The following AMPH variants were observed in gnomAD, a reference collection of about 807,000 sequenced individuals.
AMPH encodes the protein amphiphysin.
Under a neutral mutation model 99.1 loss-of-function variants are expected in AMPH, and 49 were observed. The ratio of observed to expected loss-of-function variants is 0.49; its 90% CI spans 0.39 to 0.63. The LOEUF (loss-of-function observed/expected upper bound fraction) is 0.63, where lower values mean the gene tolerates loss of function less well. AMPH is among the 20% of genes least tolerant of loss of function. AMPH has a pLI of 0.00. For synonymous variants in AMPH, 314 were observed against 317.3 expected, an observed-to-expected ratio of 0.99 and a Z score of 0.11; for missense variants, 759 against 863.4, an observed-to-expected ratio of 0.88 and a Z score of 1.52.
At chr7:38,400,316 A>C (rs1182153851) in intron 17 of AMPH, among the ~76,000 whole-genome samples, 1 of 152,124 alleles carries the variant, frequency 6.6e-6, no homozygotes, top group Non-Finnish European at 1.5e-5. Context: ...GACCTCAGGC[A>C]ATCCACCTGC....
chr7:38,598,362 G>A (rs1218706667), intron 1 of AMPH, among the ~76,000 whole-genome samples: 1 of 152,074 alleles, frequency 6.6e-6, no homozygotes, highest in Non-Finnish European at 1.5e-5. Flanking sequence ...CAGCGCAGTG[G>A]CATGATCTCA....
intron 17 of AMPH, among the ~76,000 whole-genome samples, chr7:38,406,701 TC>T (rs1453308127): frequency 2.7e-5 from 4 of 146,700 alleles, no homozygotes; most frequent in African/African-American, 1.0e-4. Context: ...TGCTCTGAGT[TC>T]TCTCTCCTCT....
chr7:38,570,947 A>ATT (rs1791928967), intron 1 of AMPH, among the ~76,000 whole-genome samples: 1 of 100,374 alleles, frequency 1.0e-5, no homozygotes, highest in African/African-American at 4.0e-5. Flanking sequence ...ATATATATTT[A>ATT]TATATATAGA....
intron 1 of AMPH, among the ~76,000 whole-genome samples, chr7:38,542,386 G>A (rs998127456): frequency 6.6e-6 from 1 of 152,108 alleles, no homozygotes; most frequent in African/African-American, 2.4e-5. Context: ...ATAATGCAAT[G>A]AATCTCCAAC....
At chr7:38,521,320 G>C (rs1187343834) in intron 2 of AMPH, among the ~76,000 whole-genome samples, 1 of 152,136 alleles carries the variant, frequency 6.6e-6, no homozygotes, top group Non-Finnish European at 1.5e-5. Context: ...TCAGAGGTTC[G>C]AGACCAGCCT....
intron 2 of AMPH, among the ~76,000 whole-genome samples, chr7:38,521,072 A>T (rs1030938437): frequency 6.6e-6 from 1 of 152,196 alleles, no homozygotes; most frequent in Non-Finnish European, 1.5e-5. Context: ...ATGTGAGAGA[A>T]AGCCCAAAGC....
chr7:38,601,190 T>A (rs1033920215), intron 1 of AMPH, among the ~76,000 whole-genome samples: 2 of 152,118 alleles, frequency 1.3e-5, no homozygotes, highest in African/African-American at 4.8e-5. Flanking sequence ...TGTCCAGGCA[T>A]CCAAATGTCA....
At chr7:38,585,191 CTAT>C (rs1792601412) in intron 1 of AMPH, among the ~76,000 whole-genome samples, 1 of 152,150 alleles carries the variant, frequency 6.6e-6, no homozygotes, top group African/African-American at 2.4e-5. Flanking sequence ...ATAGATACCA[CTAT>C]TATTCCATTT....
chr7:38,588,924 C>T (rs1324937430), intron 1 of AMPH, among the ~76,000 whole-genome samples: 1 of 151,930 alleles, frequency 6.6e-6, no homozygotes, highest in African/African-American at 2.4e-5. Flanking sequence ...TCCTCCACAC[C>T]CTCTCCTGCC....
chr7:38,617,244 C>A (rs1213299584), intron 1 of AMPH, among the ~76,000 whole-genome samples: 3 of 152,180 alleles, frequency 2.0e-5, no homozygotes, highest in African/African-American at 4.8e-5. Context: ...ATCTAATGTA[C>A]GTTGGAAATA....
chr7:38,482,005 C>T (rs1788300839), intron 5 of AMPH, among the ~76,000 whole-genome samples: 1 of 152,112 alleles, frequency 6.6e-6, no homozygotes, highest in African/African-American at 2.4e-5. Flanking sequence ...GACAGAATAA[C>T]TTAAGTCCAT....
intron 1 of AMPH, among the ~76,000 whole-genome samples, chr7:38,563,734 T>A (rs1791634464): frequency 6.6e-6 from 1 of 152,230 alleles, no homozygotes; most frequent in Admixed American, 6.5e-5. Context: ...GATTTAGATA[T>A]AAGTGCTCTG....
intron 15 of AMPH, among the ~76,000 whole-genome samples, chr7:38,423,017 T>A (rs1286681123): frequency 6.6e-6 from 1 of 152,210 alleles, no homozygotes; most frequent in Non-Finnish European, 1.5e-5. Flanking sequence ...TTATTCTAAA[T>A]ATAAGTCTCT....
At chr7:38,547,896 C>T (rs975883552) in intron 1 of AMPH, among the ~76,000 whole-genome samples, 1 of 152,150 alleles carries the variant, frequency 6.6e-6, no homozygotes, top group African/African-American at 2.4e-5. Flanking sequence ...GTCACTTACG[C>T]CTTCACTGGC....
At chr7:38,445,520 T>G (rs1397624739) in intron 11 of AMPH, among the ~76,000 whole-genome samples, 1 of 152,092 alleles carries the variant, frequency 6.6e-6, no homozygotes, top group East Asian at 1.9e-4. Context: ...TCTTATCTAA[T>G]GAGGGAGTTG....
intron 2 of AMPH, among the ~76,000 whole-genome samples, chr7:38,512,708 T>G (rs2164836): frequency 6.6e-6 from 1 of 152,124 alleles, no homozygotes; most frequent in Non-Finnish European, 1.5e-5. Flanking sequence ...CACAGTAATG[T>G]CTGTGACATC....
intron 4 of AMPH, among the ~76,000 whole-genome samples, chr7:38,493,902 A>G (rs1308740396): frequency 6.6e-6 from 1 of 152,178 alleles, no homozygotes; most frequent in African/African-American, 2.4e-5. Context: ...TTATTTTGCA[A>G]AAAGGAATCT....
Position 38,491,098 on chromosome 7 carries a change from C to T in AMPH, c.348G>A (p.Gly116=). The T allele has an allele frequency of 6.2e-7, 1 of 1,613,134 alleles. No individual in the cohort carries two copies. The highest frequency in any genetic ancestry group is 1.1e-5 in the South Asian group (1 of 91,050). Residue 116 remains glycine, a synonymous_variant, in exon 5 of 21, where the codon GGG becomes GGA. Coordinates refer to ENST00000356264, the MANE Select transcript of AMPH (RefSeq NM_001635.4). Reference sequence around the variant, plus strand: ...GGTAGGTATCCAGTGTTAGCAAGGACCCATCCACGAGTTTTTGATGGAAGT... The same window carrying T: ...GGTAGGTATCCAGTGTTAGCAAGGATCCATCCACGAGTTTTTGATGGAAGT... ...WEDFHQKLVD[G]SLLTLDTYLG...
chr7:38,584,497 G>A (rs1202573809), intron 1 of AMPH, among the ~76,000 whole-genome samples: 1 of 152,160 alleles, frequency 6.6e-6, no homozygotes, highest in Non-Finnish European at 1.5e-5. Context: ...ACCTAACACC[G>A]TCCTTTTCTG....
Sources: allele counts gnomAD v4.1 joint callset (sites outside exome capture counted in the v4.1 genomes callset), GRCh38; gene constraint gnomAD v4.1.1; transcripts MANE v1.5; gene names NCBI Gene and HGNC (gene_info 2026-07-23, HGNC 2026-07-21).